Variants in GRAMD1B observed in about 807,000 individuals in gnomAD.
The protein encoded by GRAMD1B is protein Aster-B.
GRAMD1B carries 37 observed loss-of-function variants against 99.7 expected under a neutral mutation model. The observed-to-expected ratio is 0.37, with a 90% CI of 0.29 to 0.49. The LOEUF (loss-of-function observed/expected upper bound fraction) is 0.49. Among genes scored for constraint, GRAMD1B ranks in the 20% least tolerant of loss-of-function variants. GRAMD1B has a pLI of 0.98. For synonymous variants in GRAMD1B, 427 were observed against 387.6 expected (o/e 1.10, Z -1.19); for missense variants, 888 against 1,009.2 (o/e 0.88, Z 1.63).
chr11:123,458,848 A>G (rs952410649), intron 1 of GRAMD1B: 2 of 152,172 alleles, frequency 1.3e-5, no homozygotes, highest in African/African-American at 4.8e-5. Flanking sequence ...CAAGTCTGCA[A>G]ATGGGTAGTT....
intron 1 of GRAMD1B, among the ~76,000 whole-genome samples, chr11:123,419,742 T>A (rs61904750): frequency 0.038 from 2,646 of 69,366 alleles, 47 homozygotes; most frequent in African/African-American, 0.19. Context: ...TGTGTGTGTG[T>A]GTGTGAATGA....
intron 1 of GRAMD1B, among the ~76,000 whole-genome samples, chr11:123,453,095 A>G (rs1949959038): frequency 6.6e-6 from 1 of 152,120 alleles, no homozygotes. Context: ...CTAGTTTGGA[A>G]ATGACTCATA....
intron 17 of GRAMD1B, among the ~76,000 whole-genome samples, chr11:123,615,119 A>G (rs577883391): frequency 4.0e-4 from 61 of 152,322 alleles, no homozygotes; most frequent in Non-Finnish European, 5.0e-4. Flanking sequence ...TGGGTGAGAG[A>G]GACAGAACAT....
At chr11:123,495,678 C>CTTTTTTTTTTTTTTTTTCTTTTTTT (rs556302274) in intron 2 of GRAMD1B, among the ~76,000 whole-genome samples, 1 of 114,410 alleles carries the variant, frequency 8.7e-6, no homozygotes, top group African/African-American at 3.2e-5. Context: ...CTTTCTTCTT[C>CTTTTTTTTTTTTTTTTTCTTTTTTT]TTTTTTTTTT....
chr11:123,442,089 A>G (rs1949434788), intron 1 of GRAMD1B, among the ~76,000 whole-genome samples: 1 of 152,132 alleles, frequency 6.6e-6, no homozygotes, highest in Admixed American at 6.5e-5. Context: ...CCCACACACC[A>G]AGAAGTTCTC....
chr11:123,510,999 G>A lies in GRAMD1B; in HGVS notation c.452+30106G>A, dbSNP rs947284509. On this transcript the variant is annotated intron_variant, in intron 2 of 19. Transcript: ENST00000635736. The surrounding 1 kb of genome is among the most constrained non-coding windows in gnomAD (Gnocchi z 4.3). ...TTCATCTGCACTCACTTATATGTCC[G>A]TTGTTTTCTTTAGCCTTGCCCTATT... Among the ~76,000 whole-genome samples, 3 of 152,240 alleles carry A rather than the reference G, an allele frequency of 2.0e-5. No homozygotes were observed. Among genetic ancestry groups the A allele is most frequent in the African/African-American group, 7.2e-5 (3 of 41,530 alleles).
chr11:123,359,774 TA>T (rs1281730540), intron 1 of GRAMD1B, among the ~76,000 whole-genome samples: 3 of 152,088 alleles, frequency 2.0e-5, no homozygotes, highest in Admixed American at 6.5e-5. Context: ...AAAAGGCTTG[TA>T]AAAAATAATA....
intron 1 of GRAMD1B, among the ~76,000 whole-genome samples, chr11:123,391,453 T>C (rs1286083908): frequency 1.1e-4 from 17 of 152,164 alleles, no homozygotes; most frequent in Non-Finnish European, 7.4e-5. Flanking sequence ...TTAGTTTGTT[T>C]TTTGTTTGTT....
upstream of GRAMD1B, among the ~76,000 whole-genome samples, chr11:123,429,627 A>G (rs186473178): frequency 7.9e-5 from 12 of 152,182 alleles, no homozygotes; most frequent in East Asian, 2.3e-3. This position sits in a 1 kb window ranked among gnomAD's most constrained non-coding sequence, Gnocchi z 4.0. Flanking sequence ...CGGCTATGGT[A>G]CTGGCAGCTG....
At chr11:123,605,537 T>G in intron 10 of GRAMD1B, 59 bp downstream of exon 10, 1 of 1,398,670 alleles carries the variant, frequency 7.1e-7, no homozygotes, top group Non-Finnish European at 9.8e-7. Flanking sequence ...TTTCCTAGCA[T>G]AGTTCACTGG....
intron 1 of GRAMD1B, among the ~76,000 whole-genome samples, chr11:123,419,698 A>AGTGTGT (rs3222403): frequency 2.4e-4 from 32 of 134,102 alleles, no homozygotes; most frequent in East Asian, 6.6e-4. Context: ...GGAATTTCTA[A>AGTGTGT]GTGTGTGTGT....
intron 3 of GRAMD1B, among the ~76,000 whole-genome samples, chr11:123,581,575 C>T (rs1042993554): frequency 6.6e-6 from 1 of 152,208 alleles, no homozygotes; most frequent in Admixed American, 6.5e-5. Flanking sequence ...TTGGACGTGG[C>T]TGGAGGGGGG....
chr11:123,390,009 G>A (rs545930991), intron 1 of GRAMD1B, among the ~76,000 whole-genome samples: 7 of 151,758 alleles, frequency 4.6e-5, no homozygotes, highest in Admixed American at 1.3e-4. Flanking sequence ...TGCCTGCCTC[G>A]GCCTCCCAAA....
intron 1 of GRAMD1B, among the ~76,000 whole-genome samples, chr11:123,383,093 G>C (rs1946939032): frequency 6.6e-6 from 1 of 152,320 alleles, no homozygotes; most frequent in Admixed American, 6.5e-5. Context: ...AGTGGATCCA[G>C]AGTTGAATGT....
At chr11:123,512,298 G>T (rs1941105295) in intron 2 of GRAMD1B, among the ~76,000 whole-genome samples, 1 of 152,224 alleles carries the variant, frequency 6.6e-6, no homozygotes, top group South Asian at 2.1e-4. Context: ...TCTTGAGGTT[G>T]TAGGTGGTTT....
At chr11:123,555,049 G>C (rs1345461475) in intron 2 of GRAMD1B, among the ~76,000 whole-genome samples, 2 of 152,078 alleles carry the variant, frequency 1.3e-5, no homozygotes, top group Admixed American at 1.3e-4. Context: ...AAAAGCACCA[G>C]AACAAAAAAG....
intron 1 of GRAMD1B, among the ~76,000 whole-genome samples, chr11:123,382,474 T>C (rs1187356337): frequency 6.6e-6 from 1 of 152,250 alleles, no homozygotes; most frequent in Non-Finnish European, 1.5e-5. Flanking sequence ...AAACTGGCAT[T>C]GAACTCTCAG....
chr11:123,621,919 TCTTC>T (rs753619594), intron 19 of GRAMD1B, among the ~76,000 whole-genome samples: 243 of 150,806 alleles, frequency 1.6e-3, no homozygotes, highest in African/African-American at 4.7e-3. Flanking sequence ...TTTCTTTTCT[TCTTC>T]CTTCCTTCCT....
intron 2 of GRAMD1B, among the ~76,000 whole-genome samples, chr11:123,565,182 G>T (rs1307111899): frequency 6.6e-6 from 1 of 150,818 alleles, no homozygotes; most frequent in Non-Finnish European, 1.5e-5. Flanking sequence ...ACAGGCATCT[G>T]CCAGCACGCC....
Sources: gnomAD v4.1 joint callset for allele counts (sites outside exome capture counted in the v4.1 genomes callset) on GRCh38, gnomAD v4.1.1 for gene constraint, Gnocchi (gnomAD v3.1) non-coding constraint, MANE v1.5 for transcripts, NCBI Gene and HGNC (gene_info 2026-07-23, HGNC 2026-07-21) for gene names.